ADAMTSL3: variants seen among roughly 807,000 people sequenced by gnomAD.
ADAMTSL3 encodes ADAMTS-like protein 3.
Under a neutral mutation model 201.7 loss-of-function variants are expected in ADAMTSL3, and 128 were observed. The ratio of observed to expected loss-of-function variants is 0.63; its 90% CI spans 0.55 to 0.73. The LOEUF (loss-of-function observed/expected upper bound fraction) is 0.73, where lower values mean the gene tolerates loss of function less well. Among genes scored for constraint, ADAMTSL3 ranks in the 30% least tolerant of loss-of-function variants. The pLI, the probability that ADAMTSL3 is intolerant of heterozygous loss-of-function variation, is 0.00. For missense variants in ADAMTSL3, 1,990 were observed against 2,119.6 expected (o/e 0.94, Z 1.20); for synonymous variants, 738 against 748.4 (o/e 0.99, Z 0.23).
intron 4 of ADAMTSL3, among the ~76,000 whole-genome samples, chr15:83,779,795 C>A (rs960603296): frequency 6.0e-5 from 9 of 151,204 alleles, no homozygotes; most frequent in Non-Finnish European, 1.0e-4. Context: ...ACCATACAAT[C>A]ACATGGAAAT....
At chr15:83,735,896 T>C (rs1365069891) in intron 3 of ADAMTSL3, among the ~76,000 whole-genome samples, 1 of 152,078 alleles carries the variant, frequency 6.6e-6, no homozygotes, top group African/African-American at 2.4e-5. Flanking sequence ...GCTACTTGAA[T>C]CTAATTACAT....
chr15:83,725,629 C>G (rs1381668468), intron 3 of ADAMTSL3, among the ~76,000 whole-genome samples: 1 of 152,134 alleles, frequency 6.6e-6, no homozygotes, highest in East Asian at 1.9e-4. Context: ...ATCCAATATT[C>G]CCAGCATCAT....
intron 23 of ADAMTSL3, among the ~76,000 whole-genome samples, chr15:84,006,522 G>C (rs1002413872): frequency 9.2e-5 from 14 of 152,238 alleles, no homozygotes; most frequent in Non-Finnish European, 1.8e-4. Flanking sequence ...CACCCCCGAG[G>C]TGCAAACTTT....
At chr15:83,699,352 C>T (rs2061734851) in intron 2 of ADAMTSL3, among the ~76,000 whole-genome samples, 1 of 152,136 alleles carries the variant, frequency 6.6e-6, no homozygotes, top group African/African-American at 2.4e-5. Flanking sequence ...CCTTTACAGC[C>T]ATTGCTCAAG....
chr15:83,682,601 C>T (rs567891750), intron 2 of ADAMTSL3, among the ~76,000 whole-genome samples: 75 of 152,242 alleles, frequency 4.9e-4, no homozygotes, highest in African/African-American at 1.7e-3. Flanking sequence ...GGAAGAGGAA[C>T]TAAGTTGGTG....
chr15:83,871,098 G>T, intron 9 of ADAMTSL3, 139 bp downstream of exon 9: 1 of 1,000,056 alleles, frequency 1.0e-6, no homozygotes, highest in Non-Finnish European at 1.4e-6. Flanking sequence ...TTCCATCTTG[G>T]CAGTCCATTC....
At chr15:83,695,249 T>TGGTGTGTATGGATG (rs2061670956) in intron 2 of ADAMTSL3, among the ~76,000 whole-genome samples, 3 of 45,436 alleles carry the variant, frequency 6.6e-5, no homozygotes, top group Non-Finnish European at 1.0e-4. Context: ...TGTGTGTGTG[T>TGGTGTGTATGGATG]GTGTGTGTGT....
intron 2 of ADAMTSL3, among the ~76,000 whole-genome samples, chr15:83,683,188 A>G (rs1199225799): frequency 1.3e-5 from 2 of 152,214 alleles, no homozygotes; most frequent in Non-Finnish European, 2.9e-5. Flanking sequence ...AGCCATGAAG[A>G]TAGGTATTAC....
chr15:83,849,994 A>G (rs2064576837), intron 7 of ADAMTSL3, among the ~76,000 whole-genome samples: 2 of 152,202 alleles, frequency 1.3e-5, no homozygotes, highest in African/African-American at 2.4e-5. Flanking sequence ...CTAATGTTAC[A>G]TTAATAGGTA....
intron 4 of ADAMTSL3, among the ~76,000 whole-genome samples, chr15:83,785,611 C>T (rs1325088971): frequency 6.6e-6 from 1 of 151,932 alleles, no homozygotes; most frequent in Non-Finnish European, 1.5e-5. Context: ...TTTATTTTAC[C>T]CTGGCACATG....
intron 3 of ADAMTSL3, among the ~76,000 whole-genome samples, chr15:83,744,884 G>T (rs1278624329): frequency 6.6e-6 from 1 of 152,152 alleles, no homozygotes; most frequent in East Asian, 1.9e-4. Flanking sequence ...TTATATCGAT[G>T]GGGACAGGAA....
chr15:83,853,051 C>T (rs904372021), intron 7 of ADAMTSL3, among the ~76,000 whole-genome samples: 15 of 152,218 alleles, frequency 9.9e-5, no homozygotes, highest in African/African-American at 2.6e-4. Flanking sequence ...AATGGGGTTT[C>T]GCCATGTTGG....
At chr15:83,757,944 C>T (rs1406870251) in intron 3 of ADAMTSL3, among the ~76,000 whole-genome samples, 1 of 152,182 alleles carries the variant, frequency 6.6e-6, no homozygotes, top group Non-Finnish European at 1.5e-5. Context: ...AGTTCCTCAT[C>T]TCTATCTGAG....
intron 7 of ADAMTSL3, among the ~76,000 whole-genome samples, chr15:83,847,196 C>T (rs998455165): frequency 6.6e-6 from 1 of 152,186 alleles, no homozygotes; most frequent in African/African-American, 2.4e-5. Context: ...CTCAACAAGG[C>T]AAAGCTCTGC....
chr15:83,983,652 G>A (rs535321753), intron 21 of ADAMTSL3, among the ~76,000 whole-genome samples: 1 of 152,180 alleles, frequency 6.6e-6, no homozygotes, highest in Admixed American at 6.5e-5. Context: ...ATCAATATAA[G>A]GCCATTTTAA....
chr15:83,971,507 A>G (rs562642475), intron 20 of ADAMTSL3, among the ~76,000 whole-genome samples: 1 of 147,292 alleles, frequency 6.8e-6, no homozygotes, highest in South Asian at 2.1e-4. Context: ...CAGTGAGTCG[A>G]GATCGCACCA....
intron 1 of ADAMTSL3, among the ~76,000 whole-genome samples, chr15:83,655,427 A>G (rs917986448): frequency 6.6e-6 from 1 of 152,180 alleles, no homozygotes; most frequent in Non-Finnish European, 1.5e-5. Context: ...TCAAATGCCA[A>G]TAGCGACACC....
At chr15:84,017,318 C>A (rs892208434) in intron 25 of ADAMTSL3, among the ~76,000 whole-genome samples, 2 of 152,088 alleles carry the variant, frequency 1.3e-5, no homozygotes, top group East Asian at 3.9e-4. Context: ...GAGGTTTCAC[C>A]GTGTTAGCCA....
chr15:83,773,025 G>C (rs528889773), intron 3 of ADAMTSL3, among the ~76,000 whole-genome samples: 1 of 151,976 alleles, frequency 6.6e-6, no homozygotes, highest in Non-Finnish European at 1.5e-5. Flanking sequence ...AAGCTATCTC[G>C]ACAAAACCTT....
Sources: gnomAD v4.1 joint callset for allele counts (sites outside exome capture counted in the v4.1 genomes callset) on GRCh38, gnomAD v4.1.1 for gene constraint, MANE v1.5 for transcripts, NCBI Gene and HGNC (gene_info 2026-07-23, HGNC 2026-07-21) for gene names.